Variants in SLC25A48 observed in about 807,000 individuals in gnomAD.
SLC25A48 encodes solute carrier family 25 member 48, also known as CTC-321K16.1.
Under a neutral mutation model 32.2 loss-of-function variants are expected in SLC25A48, and 29 were observed. The ratio of observed to expected loss-of-function variants is 0.90; its 90% CI spans 0.67 to 1.23. The LOEUF (loss-of-function observed/expected upper bound fraction) is 1.23, where lower values mean the gene tolerates loss of function less well. Among genes scored for constraint, SLC25A48 ranks in the 50% most tolerant of loss-of-function variants. SLC25A48 has a pLI of 0.00. For missense variants in SLC25A48, 399 were observed against 422.7 expected, an observed-to-expected ratio of 0.94 and a Z score of 0.49; for synonymous variants, 164 against 172.3, an observed-to-expected ratio of 0.95 and a Z score of 0.38.
intron 3 of SLC25A48, among the ~76,000 whole-genome samples, chr5:135,638,887 C>A (rs1752769239): frequency 6.6e-6 from 1 of 152,096 alleles, no homozygotes; most frequent in Non-Finnish European, 1.5e-5. Flanking sequence ...AAGCCAATGA[C>A]AAGGTATTAT....
At chr5:135,782,541 G>A (rs1266636807) in intron 3 of SLC25A48, among the ~76,000 whole-genome samples, 2 of 117,074 alleles carry the variant, frequency 1.7e-5, no homozygotes, top group African/African-American at 5.2e-5. Context: ...AGGAGAGGAT[G>A]ATATTACTTT....
rs115411340 is a variant in SLC25A48, at chr5:135,805,587, G to A, written c.-520-6936G>A. ...ATAGGGAGATATTACTTTTAATATC[G>A]CAGTATGTGTACACACTGTGATAAT... is the stretch of plus-strand genomic sequence containing the variant. On this transcript the variant is annotated intron_variant, in intron 3 of 10. Transcript: ENST00000646290. 5.5e-3 allele frequency among the ~76,000 whole-genome samples: 827 copies of A among 151,334 alleles called. 8 individuals carry two copies. The highest frequency in any genetic ancestry group is 0.018 in the African/African-American group (752 of 41,318).
At chr5:135,723,374 TCTCTCTCACACACACACA>T (rs1561463801) in intron 3 of SLC25A48, among the ~76,000 whole-genome samples, 1 of 50,768 alleles carries the variant, frequency 2.0e-5, no homozygotes, top group Non-Finnish European at 6.1e-5. Flanking sequence ...TCTCTCTCTC[TCTCTCTCACACACACACA>T]CACACACACA....
At chr5:135,776,658 G>T (rs546358813) in intron 3 of SLC25A48, among the ~76,000 whole-genome samples, 7 of 151,334 alleles carry the variant, frequency 4.6e-5, no homozygotes, top group Non-Finnish European at 1.0e-4. Context: ...CATCCAGGGG[G>T]AGGGAGAGTG....
chr5:135,667,700 G>A (rs1308424591), intron 3 of SLC25A48, among the ~76,000 whole-genome samples: 1 of 152,156 alleles, frequency 6.6e-6, no homozygotes, highest in Non-Finnish European at 1.5e-5. Flanking sequence ...CTTCTTGGTT[G>A]ACAGCATTTA....
intron 3 of SLC25A48, 148 bp downstream of exon 3, chr5:135,850,644 C>T: frequency 1.4e-6 from 1 of 693,932 alleles, no homozygotes. Context: ...CATCTCACAC[C>T]ACACCTCAAA....
chr5:135,867,551 C>T (rs1262548864), intron 4 of SLC25A48, among the ~76,000 whole-genome samples: 1 of 152,198 alleles, frequency 6.6e-6, no homozygotes, highest in African/African-American at 2.4e-5. Context: ...CTTAGCACCA[C>T]ATGGGCCACT....
intron 3 of SLC25A48, among the ~76,000 whole-genome samples, chr5:135,703,705 C>T (rs1754443562): frequency 6.6e-6 from 1 of 152,172 alleles, no homozygotes; most frequent in Non-Finnish European, 1.5e-5. Context: ...CTGACTGACA[C>T]CACACAGTAA....
intron 1 of SLC25A48, among the ~76,000 whole-genome samples, chr5:135,840,526 C>A (rs1382941640): frequency 6.6e-6 from 1 of 152,204 alleles, no homozygotes; most frequent in Non-Finnish European, 1.5e-5. Context: ...AAACATTTTT[C>A]TCATGACCAA....
chr5:135,770,111 T>C (rs4510575), intron 3 of SLC25A48, among the ~76,000 whole-genome samples: 114,858 of 151,336 alleles, frequency 0.76, 44,175 homozygotes, highest in Middle Eastern at 0.87. Context: ...ATATTATTCC[T>C]AATATTGCAA....
intron 3 of SLC25A48, among the ~76,000 whole-genome samples, chr5:135,758,050 CTA>C (rs918409184): frequency 8.0e-5 from 12 of 150,426 alleles, no homozygotes; most frequent in Non-Finnish European, 1.2e-4. Context: ...AATATCATCT[CTA>C]TGATATTTAT....
chr5:135,659,285 G>A (rs1753330462), intron 3 of SLC25A48, among the ~76,000 whole-genome samples: 1 of 152,136 alleles, frequency 6.6e-6, no homozygotes, highest in African/African-American at 2.4e-5. Context: ...AAAGTTCAAA[G>A]TTTCACAGAT....
At chr5:135,880,791 C>T (rs922107972) in intron 7 of SLC25A48, among the ~76,000 whole-genome samples, 1 of 152,148 alleles carries the variant, frequency 6.6e-6, no homozygotes, top group African/African-American at 2.4e-5. Context: ...TCAGGCTGTC[C>T]CCTCTGCCTG....
chr5:135,619,943 G>A (rs776709322), intron 1 of SLC25A48, among the ~76,000 whole-genome samples: 5 of 152,200 alleles, frequency 3.3e-5, no homozygotes, highest in African/African-American at 9.7e-5. Context: ...TGGATTTGAT[G>A]TTAGTCCAGG....
At chr5:135,618,050 C>G (rs1254903428) in intron 1 of SLC25A48, among the ~76,000 whole-genome samples, 1 of 151,022 alleles carries the variant, frequency 6.6e-6, no homozygotes, top group Non-Finnish European at 1.5e-5. Flanking sequence ...TGAAGTCTGT[C>G]TATCCCTTTA....
intron 7 of SLC25A48, among the ~76,000 whole-genome samples, chr5:135,886,673 TGAGA>T (rs368347571): frequency 0.12 from 4,039 of 32,636 alleles, 353 homozygotes; most frequent in African/African-American, 0.26. Context: ...TGTGTGTGTG[TGAGA>T]GAGAGAGAGA....
At chr5:135,828,281 C>T (rs1471493924) in intron 4 of SLC25A48, among the ~76,000 whole-genome samples, 1 of 152,254 alleles carries the variant, frequency 6.6e-6, no homozygotes, top group African/African-American at 2.4e-5. Context: ...GACGTGAACA[C>T]TCAGGACACA....
chr5:135,799,454 A>T (rs1757268080), intron 3 of SLC25A48, among the ~76,000 whole-genome samples: 1 of 151,420 alleles, frequency 6.6e-6, no homozygotes. Context: ...GACTCCCAAT[A>T]TTGCAGGAAG....
chr5:135,650,947 G>A (rs1441925011), intron 3 of SLC25A48, among the ~76,000 whole-genome samples: 2 of 152,076 alleles, frequency 1.3e-5, no homozygotes, highest in South Asian at 4.1e-4. Flanking sequence ...CCTCTCTGGC[G>A]CCACTTCCTG....
Sources: allele counts gnomAD v4.1 joint callset (sites outside exome capture counted in the v4.1 genomes callset), GRCh38; gene constraint gnomAD v4.1.1; transcripts MANE v1.5; gene names NCBI Gene and HGNC (gene_info 2026-07-23, HGNC 2026-07-21).